ARHGAP29: variants seen among roughly 807,000 people sequenced by gnomAD.
ARHGAP29 encodes the protein Rho GTPase activating protein 29, also known as rho GTPase-activating protein 29.
A neutral mutation model predicts 122.6 loss-of-function variants in ARHGAP29; 43 were observed. The ratio of observed to expected loss-of-function variants is 0.35; its 90% confidence interval spans 0.27 to 0.45. The LOEUF (loss-of-function observed/expected upper bound fraction) is 0.45, where lower values mean the gene tolerates loss of function less well. Among genes scored for constraint, ARHGAP29 ranks in the 20% least tolerant of loss-of-function variants. The probability of loss-of-function intolerance (pLI) is 1.00; values close to 1 mark genes in which losing one functional copy is unlikely to be tolerated. For synonymous variants in ARHGAP29, 506 were observed against 497.1 expected, an observed-to-expected ratio of 1.02 and a Z score of -0.24; for missense variants, 1,303 against 1,477.2, an observed-to-expected ratio of 0.88 and a Z score of 1.93.
At chr1:94,293,164 G>A in the ARHGAP29 span, among the ~76,000 whole-genome samples, 1 of 152,112 alleles carries the variant, frequency 6.6e-6, no homozygotes, top group Middle Eastern at 3.4e-3. Flanking sequence ...GCATAGAACC[G>A]CCTACTCAAG....
At chr1:94,233,717 C>T (rs1653077391) in intron 1 of ARHGAP29, among the ~76,000 whole-genome samples, 1 of 152,160 alleles carries the variant, frequency 6.6e-6, no homozygotes, top group Non-Finnish European at 1.5e-5. Context: ...TTTACGATGA[C>T]TCTCACCAGG....
intron 1 of ARHGAP29, among the ~76,000 whole-genome samples, chr1:94,266,930 C>T (rs1030055332): frequency 3.9e-5 from 6 of 152,190 alleles, no homozygotes; most frequent in African/African-American, 1.4e-4. Flanking sequence ...AACTAAGGCT[C>T]AATGAGGTGA....
chr1:94,281,916 A>G, the ARHGAP29 span, among the ~76,000 whole-genome samples: 1 of 152,236 alleles, frequency 6.6e-6, no homozygotes, highest in Non-Finnish European at 1.5e-5. Flanking sequence ...TGCATGGGAC[A>G]TTCTTTGTTT....
Position 94,203,676 on chromosome 1 carries a change from A to C in ARHGAP29, c.762+254T>G, listed in dbSNP as rs180805938. On this transcript the variant is annotated intron_variant, in intron 8 of 22. Coordinates refer to ENST00000260526, the MANE Select transcript of ARHGAP29 (RefSeq NM_004815.4). ...TTGAGCCTCGGGGGACAGAGGTTGC[A>C]GTGAGCTGAGATCACGCCACTGCAC... Among the ~76,000 whole-genome samples, 316 of 152,246 alleles carry C rather than the reference A, an allele frequency of 2.1e-3. 1 individual carries two copies. Among genetic ancestry groups the C allele is most frequent in the South Asian group, 6.6e-3 (32 of 4,826 alleles).
At chr1:94,204,616 C>T (rs1651078739) in intron 7 of ARHGAP29, among the ~76,000 whole-genome samples, 1 of 152,216 alleles carries the variant, frequency 6.6e-6, no homozygotes, top group Non-Finnish European at 1.5e-5. Flanking sequence ...CAATTCTTGT[C>T]TTGCCTACTT....
intron 3 of ARHGAP29, among the ~76,000 whole-genome samples, chr1:94,214,427 A>G (rs1425221967): frequency 6.6e-6 from 1 of 152,154 alleles, no homozygotes; most frequent in East Asian, 1.9e-4. Context: ...TCTAGTTTTA[A>G]CCTCCAAGCT....
chr1:94,247,779 C>A lies in ARHGAP29; in HGVS notation c.-32-16136G>T, dbSNP rs374566354. 8.3e-5 allele frequency: 37 copies of A among 443,672 alleles called. 1 individual carries two copies. In the South Asian group the frequency reaches 2.0e-3, roughly 24 times the overall value. The allele number at this position is 443,672 out of a possible 1,614,324, so 27.5% of individuals were successfully genotyped here. On this transcript the variant is annotated intron_variant and NMD_transcript_variant, in intron 1 of 25. Coordinates refer to the ARHGAP29 transcript ENST00000552844. ...CGGCTGCGCCGGCCGCCTGCCCCGC[C>A]CCTTGGAGCCCAGCCCATTGGCCTG...
At position 94,173,833 on chromosome 1, in the gene ARHGAP29, A is replaced by G; in HGVS notation, c.*36T>C. On this transcript the variant is annotated 3_prime_UTR_variant, in exon 23 of 23. Coordinates refer to ENST00000260526, the MANE Select transcript of ARHGAP29 (RefSeq NM_004815.4). ...AACAAGCACAATACCACAAAATAAC[A>G]CAACAACAACAAAAAAACCCTGAAA... 1.2e-5 allele frequency: 19 copies of G among 1,548,268 alleles called. No individual in the cohort carries two copies. The highest frequency in any genetic ancestry group is 2.3e-5 in the East Asian group (1 of 44,176).
At chr1:94,197,375 A>G (rs777018956) in intron 12 of ARHGAP29, among the ~76,000 whole-genome samples, 10 of 152,178 alleles carry the variant, frequency 6.6e-5, no homozygotes, top group Non-Finnish European at 1.0e-4. Flanking sequence ...TAAAAAAAAA[A>G]TTTTCCAAAG....
chr1:94,205,225 A>G (rs768566251), intron 6 of ARHGAP29, 27 bp from the exon 7 acceptor site: 4 of 1,542,536 alleles, frequency 2.6e-6, no homozygotes, highest in South Asian at 1.2e-5. Context: ...CAAGGTAAGT[A>G]TATGTTAAAT....
At chr1:94,290,206 A>G in the ARHGAP29 span, among the ~76,000 whole-genome samples, 3 of 151,356 alleles carry the variant, frequency 2.0e-5, no homozygotes, top group Non-Finnish European at 3.0e-5. Flanking sequence ...ATTCAGGTCT[A>G]TTCGGGTCTA....
At chr1:94,236,986 G>T (rs1006746908) in intron 1 of ARHGAP29, among the ~76,000 whole-genome samples, 1 of 152,204 alleles carries the variant, frequency 6.6e-6, no homozygotes, top group Non-Finnish European at 1.5e-5. Context: ...ACTAGTCTGT[G>T]TGCTTGGGCA....
chr1:94,253,852 A>G (rs762302748), intron 1 of ARHGAP29, among the ~76,000 whole-genome samples: 12 of 152,174 alleles, frequency 7.9e-5, no homozygotes, highest in Non-Finnish European at 1.5e-4. Context: ...TATCTTTCTA[A>G]CTACATATTT....
chr1:94,287,770 T>A, the ARHGAP29 span, among the ~76,000 whole-genome samples: 113 of 146,448 alleles, frequency 7.7e-4, no homozygotes, highest in Non-Finnish European at 1.5e-3. Context: ...TCTGTCCTTG[T>A]GATAGTTTGC....
intron 16 of ARHGAP29, among the ~76,000 whole-genome samples, chr1:94,185,793 C>T (rs1212128828): frequency 6.6e-6 from 1 of 151,992 alleles, no homozygotes; most frequent in Admixed American, 6.5e-5. Context: ...TTTCATAGAG[C>T]TGGGAAGTGT....
intron 19 of ARHGAP29, 144 bp from the exon 20 acceptor site, chr1:94,180,101 T>C (rs1649364015): frequency 1.6e-6 from 1 of 618,976 alleles, no homozygotes; most frequent in African/African-American, 1.9e-5. Flanking sequence ...ATGTAAATGT[T>C]TGCTACAGAT....
At chr1:94,284,241 A>G in the ARHGAP29 span, among the ~76,000 whole-genome samples, 3 of 152,242 alleles carry the variant, frequency 2.0e-5, no homozygotes, top group East Asian at 3.8e-4. Context: ...TATGCTGAGT[A>G]TCAGAGTTTT....
chr1:94,237,119 G>C (rs1308309827), intron 1 of ARHGAP29, among the ~76,000 whole-genome samples: 1 of 152,236 alleles, frequency 6.6e-6, no homozygotes, highest in Non-Finnish European at 1.5e-5. Flanking sequence ...TACGCGCTGT[G>C]TGCTAACTTT....
In ARHGAP29 at chr1:94,264,540, C is replaced by A. The variant is rs373841686; in HGVS notation, c.-33+10472G>T. Reference sequence around the variant, plus strand: ...CTGGATGCCCATCTGTGGCTGCCTTCCACTTGCTTCTTTTGGGCTCTTGAG... The same window carrying A: ...CTGGATGCCCATCTGTGGCTGCCTTACACTTGCTTCTTTTGGGCTCTTGAG... On this transcript the variant is annotated intron_variant and NMD_transcript_variant, in intron 1 of 25. Transcript: ENST00000552844. 2.0e-5 allele frequency among the ~76,000 whole-genome samples: 3 copies of A among 152,258 alleles called. No homozygotes were observed. The South Asian group carries it at 6.2e-4, about 32-fold the overall frequency.
Sources: gnomAD v4.1 joint callset for allele counts (sites outside exome capture counted in the v4.1 genomes callset) on GRCh38, gnomAD v4.1.1 for gene constraint, MANE v1.5 for transcripts, NCBI Gene and HGNC (gene_info 2026-07-23, HGNC 2026-07-21) for gene names.